The following TBC1D10A variants were observed in gnomAD, a reference collection of about 807,000 sequenced individuals.
The protein encoded by TBC1D10A is EBP50-PDX interactor of 64 kDa.
TBC1D10A carries 24 observed loss-of-function variants against 52.9 expected under a neutral mutation model. The ratio of observed to expected loss-of-function variants is 0.45; its 90% CI spans 0.33 to 0.64. The LOEUF (loss-of-function observed/expected upper bound fraction) is 0.64. Among genes scored for constraint, TBC1D10A ranks in the 30% least tolerant of loss-of-function variants. TBC1D10A has a pLI of 0.02. For synonymous variants in TBC1D10A, 278 were observed against 282.9 expected, an observed-to-expected ratio of 0.98 and a Z score of 0.17; for missense variants, 602 against 687.9, an observed-to-expected ratio of 0.88 and a Z score of 1.40.
At chr22:30,300,482 T>A (rs971611442) in intron 2 of TBC1D10A, 2 of 149,674 alleles carry the variant, frequency 1.3e-5, no homozygotes, top group African/African-American at 4.9e-5. Flanking sequence ...AAAGGAACCA[T>A]TACAAGTTGG....
chr22:30,322,823 T>C (rs999719301), intron 1 of TBC1D10A, among the ~76,000 whole-genome samples: 2 of 151,480 alleles, frequency 1.3e-5, no homozygotes, highest in East Asian at 1.9e-4. Context: ...CTTGAACTCC[T>C]GGGCTCAAGC....
In TBC1D10A at chr22:30,293,811, T is replaced by A; in HGVS notation, c.896-6A>T. Reference sequence around the variant, plus strand: ...CCGGAAGATGATCTTGACCCCTGCATGGGGGATGGGCAGTAAGTACAAGGA... The same window carrying A: ...CCGGAAGATGATCTTGACCCCTGCAAGGGGGATGGGCAGTAAGTACAAGGA... On this transcript the variant is annotated splice_region_variant and splice_polypyrimidine_tract_variant and intron_variant, in intron 7 of 8. Coordinates refer to ENST00000215790, the MANE Select transcript of TBC1D10A (RefSeq NM_031937.3). The A allele has an allele frequency of 6.2e-7, 1 of 1,608,248 alleles. No homozygotes were observed. The highest frequency in any genetic ancestry group is 8.5e-7 in the Non-Finnish European group (1 of 1,175,648).
rs1424627809 is a variant in TBC1D10A, at chr22:30,294,863, T to C, written c.640-2A>G. Reference sequence around the variant, plus strand: ...CTGTACCAGGCACCAGAAGGCTTGCTGTGGGCAAGAGAGATGTGAGGCCTT... The same window carrying C: ...CTGTACCAGGCACCAGAAGGCTTGCCGTGGGCAAGAGAGATGTGAGGCCTT... On this transcript the variant is annotated splice_acceptor_variant, in intron 5 of 8. Coordinates refer to ENST00000215790, the MANE Select transcript of TBC1D10A (RefSeq NM_031937.3). LOFTEE classifies it high-confidence loss of function. 1 of 1,614,028 alleles carries C rather than the reference T, an allele frequency of 6.2e-7. No homozygotes were observed. The highest frequency in any genetic ancestry group is 8.5e-7 in the Non-Finnish European group (1 of 1,180,034).
Position 30,325,871 on chromosome 22 carries a change from C to A in TBC1D10A, c.209+802G>T, listed in dbSNP as rs565139497. 1.2e-4 allele frequency among the ~76,000 whole-genome samples: 18 copies of A among 152,306 alleles called. 1 individual carries two copies. Among genetic ancestry groups the A allele is most frequent in the Admixed American group, 7.8e-4 (12 of 15,300 alleles). The stretch of plus-strand genomic sequence containing the variant: ...ATACATACACAGGACATACACAGAG[C>A]CCATCTACTGGCTCCTGTGGCTGCT... On this transcript the variant is annotated intron_variant, in intron 1 of 8. Transcript: ENST00000215790.
At chr22:30,306,600 G>A (rs1199740882) in intron 1 of TBC1D10A, among the ~76,000 whole-genome samples, 1 of 152,148 alleles carries the variant, frequency 6.6e-6, no homozygotes. Context: ...CATTGATTTG[G>A]CAAGATCTTC....
At position 30,292,374 on chromosome 22, in the gene TBC1D10A, G is replaced by A. The variant is rs1473392443; in HGVS notation, c.*1C>T. ...CGCCCTGGAGGCCTTAGCTGCCAGG[G>A]TTACAAGTAGGTGTCCTCACTCTCT... On this transcript the variant is annotated 3_prime_UTR_variant, in exon 9 of 9. Coordinates refer to ENST00000215790, the MANE Select transcript of TBC1D10A (RefSeq NM_031937.3). 1 of 1,535,988 alleles carries A rather than the reference G, an allele frequency of 6.5e-7. No homozygotes were observed. The highest frequency in any genetic ancestry group is 1.4e-5 in the African/African-American group (1 of 72,500).
intron 1 of TBC1D10A, among the ~76,000 whole-genome samples, chr22:30,306,371 T>C (rs1319013530): frequency 6.6e-6 from 1 of 152,234 alleles, no homozygotes; most frequent in Non-Finnish European, 1.5e-5. Flanking sequence ...TCTGGCTTTA[T>C]TGATAAAATC....
chr22:30,323,617 C>G (rs1323309664), intron 1 of TBC1D10A, among the ~76,000 whole-genome samples: 1 of 152,184 alleles, frequency 6.6e-6, no homozygotes, highest in Non-Finnish European at 1.5e-5. Flanking sequence ...ACTCTTCTCT[C>G]TGGGCCTCAG....
chr22:30,295,879 A>T (rs1387532232), intron 3 of TBC1D10A, 36 bp from the exon 4 acceptor site: 1 of 1,583,750 alleles, frequency 6.3e-7, no homozygotes. Context: ...GCTGGGGAGG[A>T]TGGAGGTGGG....
At chr22:30,318,163 T>C (rs960527465) in intron 1 of TBC1D10A, among the ~76,000 whole-genome samples, 1 of 152,202 alleles carries the variant, frequency 6.6e-6, no homozygotes, top group East Asian at 1.9e-4. Flanking sequence ...GCACCACCTC[T>C]AAGAACAGAA....
rs556226104 is a variant in TBC1D10A at position 30,293,699 on chromosome 22, C to T, written c.1002G>A (p.Leu334=). 13 of 1,612,736 alleles carry T rather than the reference C, an allele frequency of 8.1e-6. No homozygotes were observed. Among genetic ancestry groups the T allele is most frequent in the South Asian group, 1.1e-5 (1 of 91,066 alleles). The change falls in exon 8 of 9, where the codon CTG becomes CTA. Residue 334 remains leucine, a synonymous_variant. Coordinates refer to ENST00000215790, the MANE Select transcript of TBC1D10A (RefSeq NM_031937.3). The part of the protein sequence containing the change: ...CQGQYETIER[L]RSLSPKIMQE... ...GCATGATCTTGGGGCTGAGGCTCCG[C>T]AGTCGCTCGATGGTCTCGTACTGGC...
At position 30,292,210 on chromosome 22, in the gene TBC1D10A, G is replaced by C. The variant is rs567290583; in HGVS notation, c.*165C>G. 1.7e-6 allele frequency: 1 copy of C among 590,476 alleles called. No individual in the cohort carries two copies. The highest frequency in any genetic ancestry group is 3.2e-5 in the South Asian group (1 of 31,300). The allele number at this position is 590,476 out of a possible 1,614,324, so 36.6% of individuals were successfully genotyped here. On this transcript the variant is annotated 3_prime_UTR_variant, in exon 9 of 9. Coordinates refer to ENST00000215790, the MANE Select transcript of TBC1D10A (RefSeq NM_031937.3). Reference sequence around the variant, plus strand: ...GAAAATAAATAAGGAGGCTCAGGCAGAATCTGTGTTGGACCAGGCAGAATC... The same window carrying C: ...GAAAATAAATAAGGAGGCTCAGGCACAATCTGTGTTGGACCAGGCAGAATC...
intron 1 of TBC1D10A, among the ~76,000 whole-genome samples, chr22:30,309,667 C>T (rs1930387087): frequency 6.6e-6 from 1 of 152,228 alleles, no homozygotes; most frequent in African/African-American, 2.4e-5. Context: ...TGGTCCAAGG[C>T]AGCAGTGACA....
chr22:30,318,968 G>C (rs1930594871), intron 1 of TBC1D10A: 1 of 318,622 alleles, frequency 3.1e-6, no homozygotes, highest in Admixed American at 4.2e-5. Flanking sequence ...TTCAAGGCTA[G>C]ACTGAGACTG....
At position 30,310,189 on chromosome 22, in the gene TBC1D10A, T is replaced by A. The variant is rs561321990; in HGVS notation, c.210-5559A>T. On this transcript the variant is annotated intron_variant, in intron 1 of 8. Coordinates refer to ENST00000215790, the MANE Select transcript of TBC1D10A (RefSeq NM_031937.3). ...GAGACCATGTGCAAAAAGTGACAACTTCTTCATCTTTCAGTGGGGTCATAA... is the reference window on the plus strand; with the variant it reads ...GAGACCATGTGCAAAAAGTGACAACATCTTCATCTTTCAGTGGGGTCATAA... Among the ~76,000 whole-genome samples the A allele has an allele frequency of 7.9e-4, 121 of 152,346 alleles. 1 individual carries two copies. The highest frequency in any genetic ancestry group is 2.7e-3 in the African/African-American group (114 of 41,574).
intron 8 of TBC1D10A, chr22:30,293,262 G>T: frequency 1.7e-6 from 1 of 605,344 alleles, no homozygotes; most frequent in Non-Finnish European, 3.2e-6. Context: ...TTCTGCCTCT[G>T]TGAGCCTCCA....
At position 30,293,682 on chromosome 22, in the gene TBC1D10A, T is replaced by C. The variant is rs1386117186; in HGVS notation, c.1019A>G (p.Lys340Arg). 1.2e-6 allele frequency: 2 copies of C among 1,612,222 alleles called. No homozygotes were observed. Among genetic ancestry groups the C allele is most frequent in the East Asian group, 2.2e-5 (1 of 44,800 alleles). ...GACCAGAAAGGCCTCCTGCATGATC[T>C]TGGGGCTGAGGCTCCGCAGTCGCTC... ...TIERLRSLSP[K>R]IMQEAFLVQE... Residue 340 changes from lysine to arginine, a missense_variant, in exon 8 of 9, where the codon AAG (lysine) becomes AGG (arginine). Transcript: ENST00000215790.
chr22:30,326,243 T>C (rs1161396505), intron 1 of TBC1D10A, among the ~76,000 whole-genome samples: 1 of 42,380 alleles, frequency 2.4e-5, no homozygotes, highest in Admixed American at 2.8e-4. Context: ...TGTGGGTTTG[T>C]GGGAGGGGGA....
chr22:30,326,322 A>C (rs1930771954), intron 1 of TBC1D10A, among the ~76,000 whole-genome samples: 1 of 151,296 alleles, frequency 6.6e-6, no homozygotes, highest in African/African-American at 2.4e-5. Flanking sequence ...TGGCAGAAAC[A>C]ATCATCCCTA....
Sources: gnomAD v4.1 joint callset for allele counts (sites outside exome capture counted in the v4.1 genomes callset) on GRCh38, gnomAD v4.1.1 for gene constraint, MANE v1.5 for transcripts, NCBI Gene and HGNC (gene_info 2026-07-23, HGNC 2026-07-21) for gene names.